Variants in PIEZO2 observed in about 807,000 individuals in gnomAD.
PIEZO2 encodes the protein piezo-type mechanosensitive ion channel component 2.
A neutral mutation model predicts 337.3 loss-of-function variants in PIEZO2; 172 were observed. The observed-to-expected ratio is 0.51, with a 90% CI of 0.45 to 0.58. The LOEUF (loss-of-function observed/expected upper bound fraction) is 0.58. Among genes scored for constraint, PIEZO2 ranks in the 20% least tolerant of loss-of-function variants. The pLI, the probability that PIEZO2 is intolerant of heterozygous loss-of-function variation, is 0.00. For synonymous variants in PIEZO2, 1,251 were observed against 1,228.5 expected, an observed-to-expected ratio of 1.02 and a Z score of -0.38; for missense variants, 3,028 against 3,391.3, an observed-to-expected ratio of 0.89 and a Z score of 2.66.
chr18:11,089,996 A>G (rs1333464840), intron 1 of PIEZO2, among the ~76,000 whole-genome samples: 5 of 152,306 alleles, frequency 3.3e-5, no homozygotes, highest in Non-Finnish European at 7.4e-5. Flanking sequence ...CAGAGATTCT[A>G]AAGTGGGCTT....
intron 7 of PIEZO2, among the ~76,000 whole-genome samples, chr18:10,808,376 ACAATTG>A (rs1460444017): frequency 7.0e-6 from 1 of 142,076 alleles, no homozygotes; most frequent in Non-Finnish European, 1.5e-5. Flanking sequence ...ACAGGTGTGA[ACAATTG>A]CACCCAGCCT....
chr18:10,837,091 A>G lies in PIEZO2; in HGVS notation c.917+18262T>C, dbSNP rs1294522404. Among the ~76,000 whole-genome samples, 1 of 152,172 alleles carries G rather than the reference A, an allele frequency of 6.6e-6. No homozygotes were observed. Among genetic ancestry groups the G allele is most frequent in the Non-Finnish European group, 1.5e-5 (1 of 68,030 alleles). ...ACCTGTATGTTAGTTTCTTAGGCAAAGAAACACTCTTCGCACAGGGATTGC... is the reference window on the plus strand; with the variant it reads ...ACCTGTATGTTAGTTTCTTAGGCAAGGAAACACTCTTCGCACAGGGATTGC... On this transcript the variant is annotated intron_variant, in intron 7 of 55. Coordinates refer to ENST00000674853, the MANE Select transcript of PIEZO2 (RefSeq NM_001378183.1). The surrounding 1 kb of genome is among the most constrained non-coding windows in gnomAD (Gnocchi z 4.4).
intron 1 of PIEZO2, among the ~76,000 whole-genome samples, chr18:11,091,383 CAAAAAAAAAA>C (rs529307821): frequency 1.3e-5 from 1 of 77,858 alleles, no homozygotes; most frequent in Admixed American, 1.5e-4. Flanking sequence ...GACTCCGTCT[CAAAAAAAAAA>C]AAAAAAGAAA....
chr18:10,762,449 A>C (rs1033030559), intron 23 of PIEZO2, 51 bp downstream of exon 23: 1 of 1,512,730 alleles, frequency 6.6e-7, no homozygotes, highest in African/African-American at 1.4e-5. Flanking sequence ...AGAATCCTGA[A>C]CTATTATATA....
rs2033881577 is a variant in PIEZO2 at position 10,673,836 on chromosome 18, C to A, written c.8162-963G>T. Among the ~76,000 whole-genome samples, 1 of 152,046 alleles carries A rather than the reference C, an allele frequency of 6.6e-6. No homozygotes were observed. Among genetic ancestry groups the A allele is most frequent in the African/African-American group, 2.4e-5 (1 of 41,386 alleles). On this transcript the variant is annotated intron_variant, in intron 54 of 55. Transcript: ENST00000674853. The surrounding 1 kb of genome is among the most constrained non-coding windows in gnomAD (Gnocchi z 4.8). ...TGTCCAATCTTTTGGGTTCGCTGGG[C>A]CACATTGGAAGAAGAAGAATTGTCT...
intron 2 of PIEZO2, among the ~76,000 whole-genome samples, chr18:11,030,201 G>A (rs1041234350): frequency 4.6e-5 from 7 of 152,140 alleles, no homozygotes; most frequent in African/African-American, 1.7e-4. Context: ...TCAAGTGTTT[G>A]AATAAACACT....
intron 1 of PIEZO2, among the ~76,000 whole-genome samples, chr18:11,084,663 T>C (rs2038858846): frequency 6.6e-6 from 1 of 152,310 alleles, no homozygotes; most frequent in East Asian, 1.9e-4. Context: ...TTTGCTATTT[T>C]CTTTACCAAG....
chr18:10,844,001 G>T (rs1328340981), intron 7 of PIEZO2, among the ~76,000 whole-genome samples: 17 of 152,200 alleles, frequency 1.1e-4, no homozygotes, highest in Admixed American at 1.1e-3. Flanking sequence ...TTCCAGGAAG[G>T]CTGTAGAAAC....
chr18:10,802,465 G>T (rs562213269), intron 9 of PIEZO2, among the ~76,000 whole-genome samples: 1 of 152,242 alleles, frequency 6.6e-6, no homozygotes, highest in East Asian at 1.9e-4. Context: ...TTGTGTGTTA[G>T]TATAAATAAT....
rs2038601429 is a variant in PIEZO2, at chr18:11,077,941, C to G, written c.65-11719G>C. ...GACATTCAAATGCCAAATGCTCATC[C>G]CTAAGCAACTGGAAACAGCAATGGA... On this transcript the variant is annotated intron_variant, in intron 1 of 55. Coordinates refer to ENST00000674853, the MANE Select transcript of PIEZO2 (RefSeq NM_001378183.1). This position sits in a 1 kb window ranked among gnomAD's most constrained non-coding sequence, Gnocchi z 4.8. 6.6e-6 allele frequency among the ~76,000 whole-genome samples: 1 copy of G among 151,708 alleles called. No homozygotes were observed. The highest frequency in any genetic ancestry group is 1.5e-5 in the Non-Finnish European group (1 of 67,964).
rs2040730951 is a variant in PIEZO2, at chr18:10,828,111, T to A, written c.918-20837A>T. 6.8e-6 allele frequency among the ~76,000 whole-genome samples: 1 copy of A among 146,984 alleles called. No homozygotes were observed. The highest frequency in any genetic ancestry group is 1.5e-5 in the Non-Finnish European group (1 of 67,490). ...AAACCTAGACAAGCTCGAAATAGCA[T>A]GACGGTTTTTTTTTGTTTGTTTGTT... On this transcript the variant is annotated intron_variant, in intron 7 of 55. Coordinates refer to ENST00000674853, the MANE Select transcript of PIEZO2 (RefSeq NM_001378183.1). This position sits in a 1 kb window ranked among gnomAD's most constrained non-coding sequence, Gnocchi z 4.1.
intron 3 of PIEZO2, among the ~76,000 whole-genome samples, chr18:10,965,311 T>G (rs941309911): frequency 6.6e-6 from 1 of 152,224 alleles, no homozygotes; most frequent in African/African-American, 2.4e-5. Context: ...GCTTTATTTT[T>G]TTGTCATTTG....
rs914222996 is a variant in PIEZO2 at position 10,952,266 on chromosome 18, T to C, written c.286+27269A>G. 1.3e-5 allele frequency among the ~76,000 whole-genome samples: 2 copies of C among 152,220 alleles called. No individual in the cohort carries two copies. The highest frequency in any genetic ancestry group is 2.9e-5 in the Non-Finnish European group (2 of 68,034). ...TATAAGTTACACAGAGTAAAATTTT[T>C]GCATGTATAATTTCTCAATTTCTTA... On this transcript the variant is annotated intron_variant, in intron 3 of 55. Coordinates refer to ENST00000674853, the MANE Select transcript of PIEZO2 (RefSeq NM_001378183.1). The surrounding 1 kb of genome is among the most constrained non-coding windows in gnomAD (Gnocchi z 4.1).
At chr18:11,061,076 C>T (rs1029959498) in intron 2 of PIEZO2, among the ~76,000 whole-genome samples, 1 of 152,216 alleles carries the variant, frequency 6.6e-6, no homozygotes, top group Non-Finnish European at 1.5e-5. Context: ...TGGGCTTCAT[C>T]CCTGGGATGC....
rs1373456780 is a variant in PIEZO2 at position 10,945,663 on chromosome 18, A to G, written c.286+33872T>C. Among the ~76,000 whole-genome samples, 1 of 152,256 alleles carries G rather than the reference A, an allele frequency of 6.6e-6. No homozygotes were observed. The highest frequency in any genetic ancestry group is 2.4e-5 in the African/African-American group (1 of 41,478). On this transcript the variant is annotated intron_variant, in intron 3 of 55. Transcript: ENST00000674853. This position sits in a 1 kb window ranked among gnomAD's most constrained non-coding sequence, Gnocchi z 4.0. ...TATCCAATAAAAAATGACCACATATATAAAGAAGCAGAAAATAGGACCCAT... is the reference window on the plus strand; with the variant it reads ...TATCCAATAAAAAATGACCACATATGTAAAGAAGCAGAAAATAGGACCCAT...
chr18:10,697,977 G>T, intron 44 of PIEZO2, 97 bp from the exon 45 acceptor site: 1 of 811,272 alleles, frequency 1.2e-6, no homozygotes, highest in Non-Finnish European at 1.7e-6. Flanking sequence ...ATGGTGGAGG[G>T]ATAGCTCAGG....
At chr18:10,912,509 CA>C (rs2030570411) in intron 3 of PIEZO2, among the ~76,000 whole-genome samples, 2 of 152,132 alleles carry the variant, frequency 1.3e-5, no homozygotes, top group South Asian at 4.1e-4. Context: ...TTACTTCTGT[CA>C]ATAGGAAACG....
chr18:10,938,891 C>A (rs1264818734), intron 3 of PIEZO2, among the ~76,000 whole-genome samples: 2 of 152,000 alleles, frequency 1.3e-5, no homozygotes. Flanking sequence ...TCGAGACCAT[C>A]CTGGCTAACA....
Position 10,773,600 on chromosome 18 carries a change from T to G in PIEZO2, c.2597A>C (p.Asp866Ala). The change falls in exon 20 of 56, where the codon GAC (aspartate) becomes GCC (alanine). Residue 866 changes from aspartate to alanine, a missense_variant. Asp to Ala is a moderately radical substitution (Grantham distance 126). This residue lies in a region of PIEZO2 where 1,925 missense variants were observed against 2,051.9 expected (regional missense o/e 0.94). Transcript: ENST00000674853. This position sits in a 1 kb window ranked among gnomAD's most constrained non-coding sequence, Gnocchi z 5.3. ...ELAHPEGSLP[D>A]LTMMHLTASL... ...GGCAGTCAGATGCATCATGGTGAGG[T>G]CCGGGAGGCTTCCTTCCGGGTGGGC... The G allele has an allele frequency of 6.5e-7, 1 of 1,537,214 alleles. No homozygotes were observed. Among genetic ancestry groups the G allele is most frequent in the Non-Finnish European group, 8.7e-7 (1 of 1,146,914 alleles).
Sources: gnomAD v4.1 joint callset for allele counts (sites outside exome capture counted in the v4.1 genomes callset) on GRCh38, gnomAD v4.1.1 for gene constraint, gnomAD v4.1.1 regional missense constraint, Gnocchi (gnomAD v3.1) non-coding constraint, MANE v1.5 for transcripts, NCBI Gene and HGNC (gene_info 2026-07-23, HGNC 2026-07-21) for gene names.